The following ZYG11A variants were observed in gnomAD, a reference collection of about 807,000 sequenced individuals.
ZYG11A encodes zyg-11 family member A, cell cycle regulator, also known as protein zyg-11 homolog A.
A neutral mutation model predicts 77.2 loss-of-function variants in ZYG11A; 62 were observed. The ratio of observed to expected loss-of-function variants is 0.80; its 90% CI spans 0.65 to 0.99. The LOEUF (loss-of-function observed/expected upper bound fraction) is 0.99. ZYG11A is among the 50% of genes least tolerant of loss of function. The pLI is 0.00. For synonymous variants in ZYG11A, 315 were observed against 324.6 expected (o/e 0.97, Z 0.32); for missense variants, 828 against 896.8 (o/e 0.92, Z 0.98).
chr1:52,843,676 TTTTC>T (rs1417683078), intron 1 of ZYG11A, among the ~76,000 whole-genome samples: 8 of 141,654 alleles, frequency 5.6e-5, no homozygotes, highest in South Asian at 2.3e-4. Flanking sequence ...GTCGCCTTTC[TTTTC>T]TTTCTTTCTT....
At chr1:52,889,524 C>G (rs1025788165) in intron 13 of ZYG11A, among the ~76,000 whole-genome samples, 3 of 151,790 alleles carry the variant, frequency 2.0e-5, no homozygotes, top group Non-Finnish European at 2.9e-5. Flanking sequence ...CTTGAGTGAT[C>G]CTCTTGCATC....
intron 12 of ZYG11A, among the ~76,000 whole-genome samples, chr1:52,886,698 A>ATTT (rs1646457453): frequency 3.1e-5 from 2 of 64,474 alleles, no homozygotes; most frequent in Non-Finnish European, 6.6e-5. Flanking sequence ...AGGCCCAGCT[A>ATTT]ATTTTTTTTT....
rs1645476054 is a variant in ZYG11A at position 52,842,912 on chromosome 1, C to G, written c.29C>G (p.Thr10Arg). The change falls in exon 1 of 14, where the codon ACG (threonine) becomes AGG (arginine). Residue 10 changes from threonine (T) to arginine (R), a missense_variant. Thr to Arg is a moderately conservative substitution (Grantham distance 71). Transcript: ENST00000371528. ...GTTCATTTCTTGCACCCGGGCCACA[C>G]GCCCCGGAACATCGTCCCTCCTGAC... MVHFLHPGH[T>R]PRNIVPPDAQ... 6.5e-7 allele frequency: 1 copy of G among 1,530,094 alleles called. No homozygotes were observed. The highest frequency in any genetic ancestry group is 2.1e-5 in the Admixed American group (1 of 48,462). 94.8% of individuals were successfully genotyped at this position (1,530,094 alleles called of 1,614,324 possible).
Position 52,860,881 on chromosome 1 carries a change from G to C in ZYG11A, c.1149+10G>C. ...GCCTGCTATTTTAAAGGTAATTGAAGGAAGACAATTTTTACTATTACTTCT... is the reference window on the plus strand; with the variant it reads ...GCCTGCTATTTTAAAGGTAATTGAACGAAGACAATTTTTACTATTACTTCT... On this transcript the variant is annotated intron_variant, in intron 4 of 13. Transcript: ENST00000371528. 6.5e-7 allele frequency: 1 copy of C among 1,548,958 alleles called. No individual in the cohort carries two copies. The highest frequency in any genetic ancestry group is 8.7e-7 in the Non-Finnish European group (1 of 1,146,016).
chr1:52,847,129 C>T (rs1382833677), intron 1 of ZYG11A, among the ~76,000 whole-genome samples: 10 of 152,064 alleles, frequency 6.6e-5, no homozygotes, highest in African/African-American at 1.9e-4. Context: ...GGCGTGATCT[C>T]GATCTCGGCT....
chr1:52,850,158 C>G (rs1428469121), intron 1 of ZYG11A, among the ~76,000 whole-genome samples: 2 of 151,798 alleles, frequency 1.3e-5, no homozygotes, highest in East Asian at 3.9e-4. Context: ...GCTGATAATC[C>G]TATCTGCTGT....
intron 8 of ZYG11A, among the ~76,000 whole-genome samples, chr1:52,868,799 A>G (rs72897327): frequency 0.019 from 2,938 of 152,202 alleles, 95 homozygotes; most frequent in African/African-American, 0.067. Context: ...AAACAACAAA[A>G]CAAAAAACAA....
At chr1:52,884,014 C>T (rs562065283) in intron 11 of ZYG11A, among the ~76,000 whole-genome samples, 52 of 151,968 alleles carry the variant, frequency 3.4e-4, no homozygotes, top group African/African-American at 1.2e-3. Context: ...GCTGGGATTA[C>T]AGGCGCCTGC....
At chr1:52,857,885 T>C in intron 3 of ZYG11A, 136 bp downstream of exon 3, 9 of 635,350 alleles carry the variant, frequency 1.4e-5, no homozygotes, top group Non-Finnish European at 2.3e-5. Flanking sequence ...TTTTAATAAT[T>C]AATGATTATT....
chr1:52,865,826 A>G (rs528360798), intron 5 of ZYG11A, among the ~76,000 whole-genome samples: 31 of 152,216 alleles, frequency 2.0e-4, no homozygotes, highest in African/African-American at 5.1e-4. Context: ...AGAGGGGACA[A>G]TGGAACTCTC....
intron 8 of ZYG11A, among the ~76,000 whole-genome samples, chr1:52,871,053 C>A (rs1646153915): frequency 6.6e-6 from 1 of 152,070 alleles, no homozygotes; most frequent in South Asian, 2.1e-4. Context: ...TAGTTGAATT[C>A]ATTCTGTTTT....
rs779208760 is a variant in ZYG11A, at chr1:52,887,029, A to C, written c.2080A>C (p.Met694Leu). 1 of 1,542,018 alleles carries C rather than the reference A, an allele frequency of 6.5e-7. No individual in the cohort carries two copies. The highest frequency in any genetic ancestry group is 8.8e-7 in the Non-Finnish European group (1 of 1,139,610). Residue 694 changes from methionine to leucine, a missense_variant, in exon 13 of 14, where the codon ATG becomes CTG. Physicochemically the swap from Met to Leu is conservative, Grantham distance 15. Coordinates refer to ENST00000371528, the MANE Select transcript of ZYG11A (RefSeq NM_001004339.3). Reference protein sequence around the residue: ...PEVQLWALWAMYHVCSKNPSK... With the variant: ...PEVQLWALWALYHVCSKNPSK... ...GGTTCAGCTCTGGGCACTATGGGCT[A>C]TGTATCATGTCTGCAGTAAAAATCG... is the stretch of plus-strand genomic sequence containing the variant.
chr1:52,889,439 TAAA>T (rs139715588), intron 13 of ZYG11A, among the ~76,000 whole-genome samples: 3 of 145,800 alleles, frequency 2.1e-5, no homozygotes, highest in African/African-American at 7.5e-5. Flanking sequence ...TCTTTTAAAT[TAAA>T]AAAAAAAACA....
chr1:52,869,553 G>T (rs1259861177), intron 8 of ZYG11A, among the ~76,000 whole-genome samples: 1 of 151,730 alleles, frequency 6.6e-6, no homozygotes, highest in South Asian at 2.1e-4. Flanking sequence ...GAGAGCACAG[G>T]GTTGGGGGTA....
intron 12 of ZYG11A, among the ~76,000 whole-genome samples, chr1:52,886,183 C>T (rs11584332): frequency 0.059 from 8,941 of 152,052 alleles, 446 homozygotes; most frequent in African/African-American, 0.13. Flanking sequence ...CTGCCCGCCT[C>T]GGCCTCCTAA....
chr1:52,857,168 G>A lies in ZYG11A; in HGVS notation c.427G>A (p.Asp143Asn), dbSNP rs945764268. Reference sequence around the variant, plus strand: ...AGTGCACGCTGACCTCCCAGTTCCAGACATCATAAGTGGACTCTGCAGCAA... The same window carrying A: ...AGTGCACGCTGACCTCCCAGTTCCAAACATCATAAGTGGACTCTGCAGCAA... ...TAVHADLPVPDIISGLCSNRW... is the reference protein window; with the variant it reads ...TAVHADLPVPNIISGLCSNRW... The change falls in exon 3 of 14, where the codon GAC becomes AAC. Residue 143 changes from aspartate (D) to asparagine (N), a missense_variant. Coordinates refer to ENST00000371528, the MANE Select transcript of ZYG11A (RefSeq NM_001004339.3). 1.9e-6 allele frequency: 3 copies of A among 1,552,040 alleles called. No homozygotes were observed. Among genetic ancestry groups the A allele is most frequent in the Non-Finnish European group, 1.7e-6 (2 of 1,147,084 alleles).
intron 4 of ZYG11A, among the ~76,000 whole-genome samples, chr1:52,863,281 T>C (rs777653557): frequency 3.3e-5 from 5 of 152,210 alleles, no homozygotes; most frequent in Non-Finnish European, 7.3e-5. Context: ...GTTCTAGGTC[T>C]TCCACAGTGT....
chr1:52,887,027 C>G lies in ZYG11A; in HGVS notation c.2078C>G (p.Ala693Gly). Residue 693 changes from alanine to glycine, a missense_variant, in exon 13 of 14, where the codon GCT (alanine) becomes GGT (glycine). By Grantham distance (60) the Ala-to-Gly change is moderately conservative (BLOSUM62 0). Coordinates refer to ENST00000371528, the MANE Select transcript of ZYG11A (RefSeq NM_001004339.3). The stretch of plus-strand genomic sequence containing the variant: ...GAGGTTCAGCTCTGGGCACTATGGG[C>G]TATGTATCATGTCTGCAGTAAAAAT... ...QPEVQLWALW[A>G]MYHVCSKNPS... The G allele has an allele frequency of 6.5e-7, 1 of 1,542,648 alleles. No individual in the cohort carries two copies. The highest frequency in any genetic ancestry group is 1.2e-5 in the South Asian group (1 of 83,602).
chr1:52,864,222 C>T (rs573814530), intron 5 of ZYG11A, 65 bp downstream of exon 5: 200 of 1,474,974 alleles, frequency 1.4e-4, no homozygotes, highest in Middle Eastern at 3.5e-4. Context: ...GCTCTGTTGC[C>T]CAGGCCAGAG....
Sources: gnomAD v4.1 joint callset for allele counts (sites outside exome capture counted in the v4.1 genomes callset) on GRCh38, gnomAD v4.1.1 for gene constraint, MANE v1.5 for transcripts, NCBI Gene and HGNC (gene_info 2026-07-23, HGNC 2026-07-21) for gene names.